The following SELENOF variants were observed in gnomAD, a reference collection of about 807,000 sequenced individuals.
The protein encoded by SELENOF is 15 kDa selenoprotein.
Under a neutral mutation model 20.5 loss-of-function variants are expected in SELENOF, and 16 were observed. The ratio of observed to expected loss-of-function variants is 0.78; its 90% confidence interval spans 0.53 to 1.19. The LOEUF (loss-of-function observed/expected upper bound fraction) is 1.19, where lower values mean the gene tolerates loss of function less well. SELENOF is among the 50% of genes most tolerant of loss of function. The probability of loss-of-function intolerance (pLI) is 0.00; values close to 1 mark genes in which losing one functional copy is unlikely to be tolerated. For missense variants in SELENOF, 215 were observed against 194.2 expected (o/e 1.11, Z -0.64); for synonymous variants, 78 against 74.5 (o/e 1.05, Z -0.24).
At chr1:86,882,247 CAAAAAA>C (rs61037512) in intron 2 of SELENOF, among the ~76,000 whole-genome samples, 8 of 61,886 alleles carry the variant, frequency 1.3e-4, no homozygotes, top group Admixed American at 2.5e-4. Context: ...GACTCTGTCT[CAAAAAA>C]AAAAAAAAAA....
intron 1 of SELENOF, among the ~76,000 whole-genome samples, chr1:86,904,845 T>C (rs1659790436): frequency 6.6e-6 from 1 of 152,226 alleles, no homozygotes; most frequent in Non-Finnish European, 1.5e-5. Flanking sequence ...TTAAATGCTA[T>C]TGTTTCCCAC....
At chr1:86,871,776 A>G (rs1658775806) in intron 3 of SELENOF, among the ~76,000 whole-genome samples, 2 of 151,638 alleles carry the variant, frequency 1.3e-5, no homozygotes, top group Admixed American at 6.6e-5. Context: ...TGAATTTTAA[A>G]ATTGTATAAA....
At chr1:86,883,740 C>G (rs1659139248) in intron 2 of SELENOF, among the ~76,000 whole-genome samples, 1 of 151,976 alleles carries the variant, frequency 6.6e-6, no homozygotes, top group Admixed American at 6.6e-5. Context: ...CGGAGCACTG[C>G]AGTAAAAGGA....
chr1:86,870,040 T>C (rs903954223), intron 3 of SELENOF, among the ~76,000 whole-genome samples: 31 of 152,360 alleles, frequency 2.0e-4, no homozygotes, highest in African/African-American at 7.5e-4. Context: ...CCCAAAGTGC[T>C]GGGATTATAG....
intron 3 of SELENOF, among the ~76,000 whole-genome samples, chr1:86,879,749 A>G (rs1274166186): frequency 6.6e-6 from 1 of 152,232 alleles, no homozygotes; most frequent in Non-Finnish European, 1.5e-5. Context: ...ATGCAAGACA[A>G]AAGCCTTAGT....
intron 1 of SELENOF, among the ~76,000 whole-genome samples, chr1:86,912,791 T>C (rs897241232): frequency 3.9e-5 from 6 of 152,146 alleles, no homozygotes; most frequent in Non-Finnish European, 8.8e-5. Context: ...AAAACCAACA[T>C]AGGTGGAGTA....
intron 1 of SELENOF, among the ~76,000 whole-genome samples, chr1:86,912,011 A>G (rs1659997374): frequency 6.6e-6 from 1 of 152,076 alleles, no homozygotes. Context: ...ACCTCAGGTG[A>G]TTTGCCCACC....
chr1:86,866,976 C>T (rs980707774), intron 4 of SELENOF, among the ~76,000 whole-genome samples: 3 of 152,184 alleles, frequency 2.0e-5, no homozygotes, highest in African/African-American at 7.2e-5. Context: ...GAGTTGAAAA[C>T]TTATGTGTAC....
At chr1:86,907,005 T>C (rs139302309) in intron 1 of SELENOF, among the ~76,000 whole-genome samples, 211 of 152,362 alleles carry the variant, frequency 1.4e-3, no homozygotes, top group Non-Finnish European at 2.4e-3. Context: ...TGAATAATCA[T>C]GCAATTATAC....
At chr1:86,893,086 A>C (rs1031125698) in intron 2 of SELENOF, among the ~76,000 whole-genome samples, 1 of 152,232 alleles carries the variant, frequency 6.6e-6, no homozygotes, top group Non-Finnish European at 1.5e-5. Context: ...TCGCCAGTTA[A>C]CGGTAGGCAG....
intron 3 of SELENOF, among the ~76,000 whole-genome samples, chr1:86,877,164 T>C (rs1396688012): frequency 6.6e-6 from 1 of 152,192 alleles, no homozygotes; most frequent in Non-Finnish European, 1.5e-5. Flanking sequence ...TATAGAATTA[T>C]GGAATGATTT....
intron 3 of SELENOF, among the ~76,000 whole-genome samples, chr1:86,878,854 C>T (rs529032): frequency 0.31 from 46,516 of 151,900 alleles, 9,403 homozygotes; most frequent in African/African-American, 0.58. Flanking sequence ...CAACTTTTCA[C>T]GGGCTCAGAA....
chr1:86,882,779 A>G (rs1239580038), intron 2 of SELENOF, among the ~76,000 whole-genome samples: 2 of 152,208 alleles, frequency 1.3e-5, no homozygotes, highest in African/African-American at 4.8e-5. Context: ...AGATGAATGG[A>G]AAAACAAAAT....
chr1:86,880,643 TG>T lies in SELENOF; in HGVS notation c.316+18del. On this transcript the variant is annotated intron_variant, in intron 3 of 4. Transcript: ENST00000331835. Reference sequence around the variant, plus strand: ...GATTTTAAATGACTGAACAGTTTACTGGAGTAAATTTTATATACCTTGGACT... The same window carrying T: ...GATTTTAAATGACTGAACAGTTTACTGAGTAAATTTTATATACCTTGGACT... 6.9e-7 allele frequency: 1 copy of T among 1,458,558 alleles called. No individual in the cohort carries two copies. Among genetic ancestry groups the T allele is most frequent in the South Asian group, 1.3e-5 (1 of 78,426 alleles). The allele number at this position is 1,458,558 out of a possible 1,614,324, so 90.4% of individuals were successfully genotyped here. A position where few individuals can be genotyped will look rare whatever the true frequency, so the allele number is the denominator to read the frequency against.
intron 2 of SELENOF, among the ~76,000 whole-genome samples, chr1:86,886,598 C>G (rs1384348267): frequency 6.6e-6 from 1 of 152,006 alleles, no homozygotes; most frequent in Non-Finnish European, 1.5e-5. Flanking sequence ...TGGTTTTTAT[C>G]CTCCTAAAGT....
chr1:86,874,821 T>G (rs908463177), intron 3 of SELENOF, among the ~76,000 whole-genome samples: 9 of 152,178 alleles, frequency 5.9e-5, no homozygotes, highest in Admixed American at 2.0e-4. Context: ...TAGAACATAC[T>G]CTAAATAACA....
intron 2 of SELENOF, among the ~76,000 whole-genome samples, chr1:86,896,316 G>C (rs1659524310): frequency 6.6e-6 from 1 of 151,952 alleles, no homozygotes; most frequent in African/African-American, 2.4e-5. Flanking sequence ...ACATCTCAAA[G>C]CAGCTGAAAT....
At chr1:86,876,190 G>A (rs72945883) in intron 3 of SELENOF, among the ~76,000 whole-genome samples, 2,276 of 151,838 alleles carry the variant, frequency 0.015, 64 homozygotes, top group African/African-American at 0.052. Context: ...AAGAGAAAGG[G>A]ACTATGAAGG....
chr1:86,900,155 G>A (rs913429772), intron 2 of SELENOF, among the ~76,000 whole-genome samples: 1 of 152,074 alleles, frequency 6.6e-6, no homozygotes, highest in Admixed American at 6.5e-5. Context: ...GGGCGGCCAG[G>A]CGGAGACGCT....
Sources: gnomAD v4.1 joint callset for allele counts (sites outside exome capture counted in the v4.1 genomes callset) on GRCh38, gnomAD v4.1.1 for gene constraint, MANE v1.5 for transcripts, NCBI Gene and HGNC (gene_info 2026-07-23, HGNC 2026-07-21) for gene names.